Variants in SEC14L1 observed in about 807,000 individuals in gnomAD.
SEC14L1 encodes the protein SEC14 like lipid binding 1.
In SEC14L1, 48 loss-of-function variants were observed where a neutral mutation model predicts 85.3. The observed-to-expected ratio is 0.56, with a 90% CI of 0.45 to 0.72. The LOEUF (loss-of-function observed/expected upper bound fraction) is 0.72, where lower values mean the gene tolerates loss of function less well. Among genes scored for constraint, SEC14L1 ranks in the 30% least tolerant of loss-of-function variants. SEC14L1 has a pLI of 0.00. For missense variants in SEC14L1, 682 were observed against 921.4 expected (o/e 0.74, Z 3.36); for synonymous variants, 391 against 355.5 (o/e 1.10, Z -1.12).
rs760589083 is a variant in SEC14L1 at position 77,205,606 on chromosome 17, C to T, written c.1169+260C>T. The stretch of plus-strand genomic sequence containing the variant: ...GCCGCAGGAGCCCAGGGCTGCAGAT[C>T]GTTTGCTTGTTTTTGCCTCCCCTCC... On this transcript the variant is annotated intron_variant, in intron 11 of 16. Transcript: ENST00000436233. Among the ~76,000 whole-genome samples, 6 of 152,212 alleles carry T rather than the reference C, an allele frequency of 3.9e-5. No homozygotes were observed. The South Asian group carries it at 6.2e-4, about 16-fold the overall frequency.
At position 77,206,233 on chromosome 17, in the gene SEC14L1, T is replaced by C. The variant is rs1265638251; in HGVS notation, c.1174T>C (p.Trp392Arg). The C allele has an allele frequency of 6.2e-7, 1 of 1,613,900 alleles. No individual in the cohort carries two copies. The highest frequency in any genetic ancestry group is 1.7e-5 in the Admixed American group (1 of 60,022). The change falls in exon 12 of 17, where the codon TGG (tryptophan) becomes CGG (arginine). Residue 392 changes from tryptophan (W) to arginine (R), a missense_variant. Trp to Arg is a moderately radical substitution (Grantham distance 101). This residue lies in a region of SEC14L1 where 420 missense variants were observed against 619.5 expected (regional missense o/e 0.68). Transcript: ENST00000436233. This position sits in a 1 kb window ranked among gnomAD's most constrained non-coding sequence, Gnocchi z 4.3. ...ACATCTCTGCACAACCTGCAGCTCA[T>C]GGACCTGCCTGGTGGACTTGGAAGG... ...TKVFGRPISS[W>R]TCLVDLEGLN...
intron 3 of SEC14L1, among the ~76,000 whole-genome samples, chr17:77,173,455 T>C (rs574526215): frequency 6.6e-6 from 1 of 151,742 alleles, no homozygotes; most frequent in South Asian, 2.1e-4. Context: ...CCCATGTGGG[T>C]TGCTTAGGGG....
chr17:77,126,744 G>A (rs966973448), intron 3 of SEC14L1, among the ~76,000 whole-genome samples: 14 of 152,178 alleles, frequency 9.2e-5, no homozygotes, highest in Non-Finnish European at 2.1e-4. Context: ...AGTCTACAAC[G>A]TGATGAGCAA....
chr17:77,159,790 T>C (rs1445434629), intron 3 of SEC14L1, among the ~76,000 whole-genome samples: 7 of 152,208 alleles, frequency 4.6e-5, no homozygotes, highest in African/African-American at 1.7e-4. Flanking sequence ...TTACAGCTCA[T>C]GATTGCCATT....
intron 3 of SEC14L1, among the ~76,000 whole-genome samples, chr17:77,156,485 G>A (rs144504668): frequency 7.3e-5 from 11 of 151,672 alleles, no homozygotes; most frequent in Non-Finnish European, 1.5e-4. Flanking sequence ...TGAGGCACGA[G>A]AATTGCTTGA....
At chr17:77,179,831 C>T (rs554754835) in intron 3 of SEC14L1, among the ~76,000 whole-genome samples, 64 of 151,720 alleles carry the variant, frequency 4.2e-4, no homozygotes, top group Admixed American at 9.8e-4. Flanking sequence ...CCCGCCACCA[C>T]GCCCGGCTAA....
chr17:77,109,028 G>A (rs1971989504), intron 3 of SEC14L1, among the ~76,000 whole-genome samples: 2 of 152,104 alleles, frequency 1.3e-5, no homozygotes, highest in South Asian at 4.1e-4. Flanking sequence ...CACCATGTTG[G>A]TCAGGCTGGA....
intron 3 of SEC14L1, among the ~76,000 whole-genome samples, chr17:77,160,351 T>G (rs2091037372): frequency 6.6e-6 from 1 of 152,256 alleles, no homozygotes; most frequent in Non-Finnish European, 1.5e-5. Context: ...AAGGGGAATA[T>G]GCACACTGCT....
intron 3 of SEC14L1, among the ~76,000 whole-genome samples, chr17:77,157,350 C>A (rs887810956): frequency 6.6e-6 from 1 of 152,102 alleles, no homozygotes; most frequent in African/African-American, 2.4e-5. Flanking sequence ...CGAAGAGTTC[C>A]AAATCCTAAT....
intron 3 of SEC14L1, among the ~76,000 whole-genome samples, chr17:77,153,851 TC>T (rs761888159): frequency 1.4e-4 from 22 of 152,344 alleles, no homozygotes; most frequent in Non-Finnish European, 2.4e-4. Flanking sequence ...TTATAATTGA[TC>T]CATCTCTCTT....
chr17:77,198,004 A>C (rs1273598491), intron 8 of SEC14L1, among the ~76,000 whole-genome samples: 1 of 152,258 alleles, frequency 6.6e-6, no homozygotes, highest in Non-Finnish European at 1.5e-5. Context: ...ATTTCTTGTC[A>C]TACTGACTTT....
At chr17:77,139,477 C>G (rs375397523), upstream of SEC14L1, among the ~76,000 whole-genome samples, 2 of 146,220 alleles carry the variant, frequency 1.4e-5, no homozygotes, top group South Asian at 2.2e-4. Context: ...GGCGTTAAAG[C>G]GTCTTTTGAA....
At chr17:77,152,915 T>G (rs550650867) in intron 3 of SEC14L1, among the ~76,000 whole-genome samples, 1 of 152,302 alleles carries the variant, frequency 6.6e-6, no homozygotes, top group African/African-American at 2.4e-5. Context: ...TTTCATGCCA[T>G]TGATTTGTTA....
chr17:77,196,129 A>T, intron 7 of SEC14L1, 73 bp from the exon 8 acceptor site: 1 of 1,185,344 alleles, frequency 8.4e-7, no homozygotes, highest in Non-Finnish European at 1.3e-6. Flanking sequence ...CGTTAACTCC[A>T]CTGAGCACAA....
intron 8 of SEC14L1, among the ~76,000 whole-genome samples, chr17:77,197,050 C>A (rs1975849459): frequency 6.6e-6 from 1 of 152,228 alleles, no homozygotes; most frequent in Non-Finnish European, 1.5e-5. Context: ...TGAGGTCTCA[C>A]AGCCAGCGAG....
chr17:77,194,647 A>G (rs770557381), intron 6 of SEC14L1, 30 bp from the exon 7 acceptor site: 1 of 1,542,150 alleles, frequency 6.5e-7, no homozygotes, highest in South Asian at 1.1e-5. Context: ...TTGAATATAT[A>G]CTCACCTTTA....
intron 3 of SEC14L1, among the ~76,000 whole-genome samples, chr17:77,159,988 A>G (rs1567901386): frequency 6.6e-6 from 1 of 152,036 alleles, no homozygotes; most frequent in African/African-American, 2.4e-5. Context: ...GTTACTCCTG[A>G]TTTTCTTTTC....
At position 77,105,384 on chromosome 17, in the gene SEC14L1, C is replaced by CT. The variant is rs58468080; in HGVS notation, c.-136+12037_-136+12038insT. ...GCTCCTCGCTGACCACCCCCCCCCC[C>CT]ACCCCACGTAAAAAGAGTTCAAGGA... On this transcript the variant is annotated intron_variant, in intron 3 of 19. Transcript: ENST00000392476. Among the ~76,000 whole-genome samples the CT allele has an allele frequency of 1.2e-3, 131 of 105,216 alleles. 1 individual carries two copies. Among genetic ancestry groups the CT allele is most frequent in the African/African-American group, 4.6e-3 (129 of 28,040 alleles). 69.0% of individuals were successfully genotyped at this position (105,216 alleles called of 152,430 possible). A position where few individuals can be genotyped will look rare whatever the true frequency, so the allele number is the denominator to read the frequency against.
At chr17:77,135,176 T>C (rs1972755251) in intron 3 of SEC14L1, among the ~76,000 whole-genome samples, 1 of 152,180 alleles carries the variant, frequency 6.6e-6, no homozygotes, top group South Asian at 2.1e-4. Flanking sequence ...GCATCACTTC[T>C]CTCTCCTGGT....
Sources: gnomAD v4.1 joint callset for allele counts (sites outside exome capture counted in the v4.1 genomes callset) on GRCh38, gnomAD v4.1.1 for gene constraint, gnomAD v4.1.1 regional missense constraint, Gnocchi (gnomAD v3.1) non-coding constraint, MANE v1.5 for transcripts, NCBI Gene and HGNC (gene_info 2026-07-23, HGNC 2026-07-21) for gene names.